The following SLC25A12 variants were observed in gnomAD, a reference collection of about 807,000 sequenced individuals.
SLC25A12 encodes electrogenic aspartate/glutamate antiporter SLC25A12, mitochondrial.
A neutral mutation model predicts 83.3 loss-of-function variants in SLC25A12; 32 were observed. The observed-to-expected ratio is 0.38, with a 90% CI of 0.29 to 0.52. The LOEUF (loss-of-function observed/expected upper bound fraction) is 0.52. Ranked by LOEUF, SLC25A12 falls within the 20% of genes least tolerant of loss-of-function variation. SLC25A12 has a pLI of 0.84. For synonymous variants in SLC25A12, 267 were observed against 291.1 expected (o/e 0.92, Z 0.84); for missense variants, 611 against 835.6 (o/e 0.73, Z 3.31).
intron 2 of SLC25A12, among the ~76,000 whole-genome samples, chr2:171,885,218 C>A (rs1276981170): frequency 6.6e-6 from 1 of 150,964 alleles, no homozygotes; most frequent in Non-Finnish European, 1.5e-5. Context: ...TAGAACATCA[C>A]ATGGCATTTA....
intron 13 of SLC25A12, among the ~76,000 whole-genome samples, chr2:171,803,122 CAA>C (rs926539772): frequency 1.7e-5 from 2 of 119,912 alleles, no homozygotes; most frequent in Non-Finnish European, 3.6e-5. Context: ...CTGTTCAAGG[CAA>C]AAAAAAAAAA....
chr2:171,850,935 A>G (rs1216889140), intron 4 of SLC25A12, among the ~76,000 whole-genome samples: 2 of 152,202 alleles, frequency 1.3e-5, no homozygotes, highest in Non-Finnish European at 2.9e-5. Context: ...CAGAGGCACA[A>G]ATGGAACACA....
Position 171,868,665 on chromosome 2 carries a change from G to T in SLC25A12, c.209+16C>A. The stretch of plus-strand genomic sequence containing the variant: ...TCCAGAACATTAGTTTTCAGAAAAT[G>T]CATGAAGATACTTACCCATCCTTGG... On this transcript the variant is annotated intron_variant, in intron 3 of 17. Coordinates refer to ENST00000422440, the MANE Select transcript of SLC25A12 (RefSeq NM_003705.5). The T allele has an allele frequency of 6.2e-7, 1 of 1,611,202 alleles. No individual in the cohort carries two copies. Among genetic ancestry groups the T allele is most frequent in the Non-Finnish European group, 8.5e-7 (1 of 1,177,468 alleles).
At chr2:171,864,446 A>G (rs1215654981) in intron 3 of SLC25A12, among the ~76,000 whole-genome samples, 1 of 152,090 alleles carries the variant, frequency 6.6e-6, no homozygotes, top group African/African-American at 2.4e-5. Flanking sequence ...CTTTTCACAC[A>G]CCCATACACT....
chr2:171,836,471 T>A (rs1573971172), intron 6 of SLC25A12, among the ~76,000 whole-genome samples: 2 of 152,282 alleles, frequency 1.3e-5, no homozygotes, highest in Non-Finnish European at 2.9e-5. Flanking sequence ...AGATTAGCAG[T>A]TTGACAGAAC....
rs189048548 is a variant in SLC25A12 at position 171,842,497 on chromosome 2, G to A, written c.465+1872C>T. ...TAATCCCAGCTACTCAGGAGGCTGA[G>A]GCAGGAGAATCGCTTGAATCCAGGA... On this transcript the variant is annotated intron_variant, in intron 5 of 17. Transcript: ENST00000422440. Among the ~76,000 whole-genome samples the A allele has an allele frequency of 4.0e-3, 608 of 152,300 alleles. 2 individuals carry two copies. The highest frequency in any genetic ancestry group is 6.0e-3 in the Non-Finnish European group (408 of 68,030).
At position 171,892,324 on chromosome 2, in the gene SLC25A12, A is replaced by C. The variant is rs979364779; in HGVS notation, c.66+881T>G. 3.3e-5 allele frequency among the ~76,000 whole-genome samples: 5 copies of C among 150,998 alleles called. No homozygotes were observed. The South Asian group carries it at 6.2e-4, about 19-fold the overall frequency. On this transcript the variant is annotated intron_variant, in intron 2 of 17. Coordinates refer to ENST00000422440, the MANE Select transcript of SLC25A12 (RefSeq NM_003705.5). ...CACTGCAAGCTCCGCTTCCCGGGTTAACGCCATTCTCCTGCCTCAGCCTCC... is the reference window on the plus strand; with the variant it reads ...CACTGCAAGCTCCGCTTCCCGGGTTCACGCCATTCTCCTGCCTCAGCCTCC...
intron 17 of SLC25A12, among the ~76,000 whole-genome samples, chr2:171,786,369 G>C: frequency 8.1e-6 from 1 of 123,512 alleles, no homozygotes; most frequent in Non-Finnish European, 1.6e-5. Context: ...GGGCGACAGA[G>C]CAAGACTCCG....
intron 1 of SLC25A12, 30 bp from the exon 2 acceptor site, chr2:171,893,288 T>G (rs1685985118): frequency 1.3e-6 from 2 of 1,599,326 alleles, no homozygotes; most frequent in Non-Finnish European, 1.7e-6. Context: ...AAAAGCCAGT[T>G]AATGCTTCAC....
chr2:171,871,654 T>C, intron 2 of SLC25A12: 1 of 908,024 alleles, frequency 1.1e-6, no homozygotes, highest in Non-Finnish European at 1.3e-6. Context: ...ACTTCCTAGT[T>C]TCCCTGTCCC....
At chr2:171,888,419 TA>T (rs1158695563) in intron 2 of SLC25A12, among the ~76,000 whole-genome samples, 1 of 151,276 alleles carries the variant, frequency 6.6e-6, no homozygotes, top group South Asian at 2.1e-4. Context: ...TACTTTCAAA[TA>T]AAAATATATA....
intron 3 of SLC25A12, among the ~76,000 whole-genome samples, chr2:171,858,215 G>A (rs1685083987): frequency 6.6e-6 from 1 of 152,038 alleles, no homozygotes; most frequent in Admixed American, 6.6e-5. Context: ...ATTTTCCTAG[G>A]AAACTAATCT....
intron 2 of SLC25A12, among the ~76,000 whole-genome samples, chr2:171,891,002 G>T (rs1222626439): frequency 4.6e-5 from 7 of 152,156 alleles, no homozygotes; most frequent in Non-Finnish European, 8.8e-5. Context: ...GAAAAGCTAA[G>T]ATTTAAAAGT....
chr2:171,832,354 A>G (rs1342258799), intron 8 of SLC25A12, among the ~76,000 whole-genome samples: 3 of 152,180 alleles, frequency 2.0e-5, no homozygotes, highest in Non-Finnish European at 4.4e-5. Context: ...CCAGCCTTTA[A>G]CCAGGGCCAC....
chr2:171,831,421 T>C (rs1368536778), intron 8 of SLC25A12, among the ~76,000 whole-genome samples: 2 of 152,186 alleles, frequency 1.3e-5, no homozygotes, highest in East Asian at 1.9e-4. Flanking sequence ...AAGAAAGTTA[T>C]AGCTATGAAG....
At chr2:171,788,669 G>A (rs1160779654) in intron 15 of SLC25A12, 1 of 152,464 alleles carries the variant, frequency 6.6e-6, no homozygotes, top group Non-Finnish European at 1.5e-5. Flanking sequence ...AAACAAAACA[G>A]AGAGCAAAGG....
At chr2:171,791,740 C>T in intron 14 of SLC25A12, 151 bp from the exon 15 acceptor site, 1 of 750,402 alleles carries the variant, frequency 1.3e-6, no homozygotes, top group East Asian at 2.6e-5. Context: ...AACTGATGTG[C>T]AAGGGAAATG....
intron 13 of SLC25A12, among the ~76,000 whole-genome samples, chr2:171,806,409 C>T (rs372690299): frequency 6.6e-6 from 1 of 152,094 alleles, no homozygotes; most frequent in Non-Finnish European, 1.5e-5. Flanking sequence ...GGGCCGAGAT[C>T]GTGCCATTGC....
rs139018713 is a variant in SLC25A12, at chr2:171,793,646, C to T, written c.1427G>A (p.Gly476Glu). ...ACCCACCTTATACAGACCAAAAATT[C>T]CCAAGTCCCGGAGCACATTCAGGGC... Reference protein sequence around the residue: ...VSALNVLRDLGIFGLYKGAKA... With the variant: ...VSALNVLRDLEIFGLYKGAKA... Residue 476 changes from glycine to glutamate, a missense_variant, in exon 14 of 18, where the codon GGA (glycine) becomes GAA (glutamate). Coordinates refer to ENST00000422440, the MANE Select transcript of SLC25A12 (RefSeq NM_003705.5). 2 of 1,614,140 alleles carry T rather than the reference C, an allele frequency of 1.2e-6. No individual in the cohort carries two copies. The highest frequency in any genetic ancestry group is 1.7e-6 in the Non-Finnish European group (2 of 1,180,036).
Sources: allele counts gnomAD v4.1 joint callset (sites outside exome capture counted in the v4.1 genomes callset), GRCh38; gene constraint gnomAD v4.1.1; transcripts MANE v1.5; gene names NCBI Gene and HGNC (gene_info 2026-07-23, HGNC 2026-07-21).